The following CALD1 variants were observed in gnomAD, a reference collection of about 807,000 sequenced individuals.
CALD1 encodes caldesmon 1.
In CALD1, 33 loss-of-function variants were observed where a neutral mutation model predicts 99.9. That is an observed-to-expected ratio of 0.33 (90% CI 0.25 to 0.44). The LOEUF is 0.44. Among genes scored for constraint, CALD1 ranks in the 20% least tolerant of loss-of-function variants. The pLI is 1.00. For missense variants in CALD1, 861 were observed against 962.1 expected, an observed-to-expected ratio of 0.89 and a Z score of 1.39; for synonymous variants, 310 against 325.0, an observed-to-expected ratio of 0.95 and a Z score of 0.50.
At chr7:134,725,087 C>A in the CALD1 span, among the ~76,000 whole-genome samples, 1 of 152,192 alleles carries the variant, frequency 6.6e-6, no homozygotes, top group Non-Finnish European at 1.5e-5. Context: ...ATGAGGTGGC[C>A]TAGGGATTGC....
intron 2 of CALD1, among the ~76,000 whole-genome samples, chr7:134,861,149 G>A (rs981545385): frequency 6.6e-6 from 1 of 152,194 alleles, no homozygotes; most frequent in African/African-American, 2.4e-5. Context: ...TACAGCCATA[G>A]TATTATTATG....
chr7:134,939,932 C>G (rs1483104242), intron 6 of CALD1, among the ~76,000 whole-genome samples: 1 of 152,020 alleles, frequency 6.6e-6, no homozygotes, highest in Non-Finnish European at 1.5e-5. Flanking sequence ...CCACTGCACT[C>G]CAGCCTGGGC....
Position 134,915,997 on chromosome 7 carries a change from T to A in CALD1, c.72-12757T>A, listed in dbSNP as rs376456740. 1.2e-4 allele frequency among the ~76,000 whole-genome samples: 19 copies of A among 152,328 alleles called. No homozygotes were observed. In the East Asian group the frequency reaches 2.5e-3, roughly 20 times the overall value. On this transcript the variant is annotated intron_variant, in intron 3 of 14. Transcript: ENST00000361675. ...ATGGGACCCATGAGCAGTGGTTGAC[T>A]GCCAAGTCCCCTGCAAGAATAAATA... is the stretch of plus-strand genomic sequence containing the variant.
chr7:134,968,477 A>T lies in CALD1; in HGVS notation c.*132A>T, dbSNP rs1808837210. On this transcript the variant is annotated 3_prime_UTR_variant, in exon 15 of 15. Transcript: ENST00000361675. ...ATCTTTTATTTTTCAATATCCCAGT[A>T]AACCCATGTATATTATCACTATATT... 2 of 771,166 alleles carry T rather than the reference A, an allele frequency of 2.6e-6. No homozygotes were observed. The highest frequency in any genetic ancestry group is 1.7e-5 in the African/African-American group (1 of 58,110). 47.8% of individuals were successfully genotyped at this position (771,166 alleles called of 1,614,324 possible).
intron 1 of CALD1, among the ~76,000 whole-genome samples, chr7:134,802,398 T>C (rs1043244969): frequency 5.1e-5 from 7 of 138,058 alleles, no homozygotes; most frequent in African/African-American, 1.8e-4. Flanking sequence ...GTTGCATGTA[T>C]AAGTAGTTCA....
chr7:134,713,125 C>T, the CALD1 span, among the ~76,000 whole-genome samples: 1 of 152,208 alleles, frequency 6.6e-6, no homozygotes, highest in Non-Finnish European at 1.5e-5. Context: ...AACTAGTCAG[C>T]ATCAGGAAAT....
At chr7:134,883,353 A>AT (rs1184802732) in intron 3 of CALD1, among the ~76,000 whole-genome samples, 1 of 151,888 alleles carries the variant, frequency 6.6e-6, no homozygotes, top group African/African-American at 2.4e-5. Flanking sequence ...ACTGTCGGCT[A>AT]TTTTTTTTAA....
intron 11 of CALD1, among the ~76,000 whole-genome samples, chr7:134,959,720 T>G (rs909063235): frequency 2.0e-5 from 3 of 152,168 alleles, no homozygotes; most frequent in Non-Finnish European, 4.4e-5. Flanking sequence ...AATATCAATT[T>G]CACAACAAAT....
intron 2 of CALD1, among the ~76,000 whole-genome samples, chr7:134,862,212 T>C (rs955284318): frequency 6.6e-6 from 1 of 152,174 alleles, no homozygotes; most frequent in Non-Finnish European, 1.5e-5. Flanking sequence ...CAGAACTTCT[T>C]TGGGGCACTC....
In CALD1 at chr7:134,794,799, CAAT is replaced by C. The variant is rs367905095; in HGVS notation, c.-130+15053_-130+15055del. On this transcript the variant is annotated intron_variant, in intron 1 of 14. Coordinates refer to ENST00000361675, the MANE Select transcript of CALD1 (RefSeq NM_033138.4). ...CCTGCTATAAGTCTAACATAAGTAA[CAAT>C]AAACTTTTAGGCAACAAGATAGAAT... Among the ~76,000 whole-genome samples the C allele has an allele frequency of 6.8e-4, 104 of 152,260 alleles. 1 individual carries two copies. In the East Asian group the frequency reaches 0.015, roughly 22 times the overall value.
the CALD1 span, among the ~76,000 whole-genome samples, chr7:134,726,100 A>G: frequency 5.3e-5 from 8 of 152,138 alleles, no homozygotes; most frequent in Non-Finnish European, 1.0e-4. Context: ...AACAAAACCC[A>G]AGAATACTTA....
rs192009260 is a variant in CALD1 at position 134,857,532 on chromosome 7, C to A, written c.-41-10161C>A. ...GAGGAAAAGTCCAGGTATCCCCAAA[C>A]TAATAAATGAGTGAAACTGCTATCT... On this transcript the variant is annotated intron_variant, in intron 2 of 14. Transcript: ENST00000361675. 8.2e-4 allele frequency among the ~76,000 whole-genome samples: 125 copies of A among 152,168 alleles called. 2 individuals are homozygous for A. The East Asian group carries it at 0.019, about 23-fold the overall frequency.
intron 2 of CALD1, among the ~76,000 whole-genome samples, chr7:134,850,576 G>A (rs1351743698): frequency 6.6e-6 from 1 of 152,136 alleles, no homozygotes; most frequent in Admixed American, 6.5e-5. Flanking sequence ...CTACATAACT[G>A]TTGTCGAAAG....
chr7:134,802,174 A>ATG (rs58896037), intron 1 of CALD1, among the ~76,000 whole-genome samples: 4 of 151,332 alleles, frequency 2.6e-5, no homozygotes, highest in Admixed American at 6.6e-5. Flanking sequence ...GTCAACATAT[A>ATG]TGTGTGTGTG....
intron 8 of CALD1, among the ~76,000 whole-genome samples, chr7:134,950,018 GGTTGGACAAGTTTGGTGTAAGCATT>G (rs1172952126): frequency 6.6e-6 from 1 of 152,178 alleles, no homozygotes; most frequent in Non-Finnish European, 1.5e-5. Flanking sequence ...CTGGGCCATG[GGTTGGACAAGTTTGGTGTAAGCATT>G]TTACATGTGC....
the CALD1 span, among the ~76,000 whole-genome samples, chr7:134,722,417 A>C: frequency 6.8e-6 from 1 of 147,790 alleles, no homozygotes; most frequent in Non-Finnish European, 1.5e-5. Context: ...TTATTTATTT[A>C]TTTGTTTGTT....
chr7:134,866,426 AG>A (rs1697026162), intron 2 of CALD1, among the ~76,000 whole-genome samples: 1 of 152,170 alleles, frequency 6.6e-6, no homozygotes, highest in Admixed American at 6.5e-5. Flanking sequence ...ATAATACCCT[AG>A]AGGATAAAAA....
chr7:134,870,747 G>A (rs2290359), intron 3 of CALD1, among the ~76,000 whole-genome samples: 34,469 of 142,456 alleles, frequency 0.24, 4,369 homozygotes, highest in African/African-American at 0.35. Context: ...TCTCTCTCTC[G>A]CTCTTTCTTT....
chr7:134,935,479 G>T (rs1805891808), intron 5 of CALD1, among the ~76,000 whole-genome samples: 1 of 152,168 alleles, frequency 6.6e-6, no homozygotes, highest in African/African-American at 2.4e-5. Context: ...ATTTCAGTGA[G>T]CGCAATGGCA....
Sources: gnomAD v4.1 joint callset for allele counts (sites outside exome capture counted in the v4.1 genomes callset) on GRCh38, gnomAD v4.1.1 for gene constraint, MANE v1.5 for transcripts, NCBI Gene and HGNC (gene_info 2026-07-23, HGNC 2026-07-21) for gene names.